NSD2: variants seen among roughly 807,000 people sequenced by gnomAD.
The protein encoded by NSD2 is nuclear receptor binding SET domain protein 2.
In NSD2, 12 loss-of-function variants were observed where a neutral mutation model predicts 139.0. The observed-to-expected ratio is 0.09, with a 90% CI of 0.06 to 0.14. The LOEUF is 0.14. Ranked by LOEUF, NSD2 falls within the 10% of genes least tolerant of loss-of-function variation. NSD2 has a pLI of 1.00. For missense variants in NSD2, 1,155 were observed against 1,745.0 expected, an observed-to-expected ratio of 0.66 and a Z score of 6.02; for synonymous variants, 669 against 648.7, an observed-to-expected ratio of 1.03 and a Z score of -0.48.
Position 1,955,658 on chromosome 4 carries a change from A to G in NSD2, c.2519-35A>G, listed in dbSNP as rs775830577. 6.3e-7 allele frequency: 1 copy of G among 1,585,504 alleles called. No homozygotes were observed. The highest frequency in any genetic ancestry group is 1.8e-5 in the Admixed American group (1 of 56,752). On this transcript the variant is annotated intron_variant, in intron 13 of 21. Transcript: ENST00000508803. The surrounding 1 kb of genome is among the most constrained non-coding windows in gnomAD (Gnocchi z 4.7). ...GAATCTGGGCTGAGCCATAGCAGAC[A>G]GGCTAAGCCTGGCCGCCTCGCCCTC...
At chr4:1,971,222 G>A (rs895234952) in intron 18 of NSD2, among the ~76,000 whole-genome samples, 1 of 152,150 alleles carries the variant, frequency 6.6e-6, no homozygotes, top group African/African-American at 2.4e-5. Flanking sequence ...CCAAAGGTAT[G>A]CCAAGGTGAA....
At chr4:1,896,833 C>T (rs1174012963) in intron 1 of NSD2, among the ~76,000 whole-genome samples, 1 of 136,986 alleles carries the variant, frequency 7.3e-6, no homozygotes, top group Non-Finnish European at 1.6e-5. Context: ...TTCCTTTCTT[C>T]TCTTCTCTTT....
intron 1 of NSD2, among the ~76,000 whole-genome samples, chr4:1,883,540 G>C (rs372604083): frequency 6.6e-6 from 1 of 151,436 alleles, no homozygotes; most frequent in Non-Finnish European, 1.5e-5. Flanking sequence ...GCTGAGGCAC[G>C]AGAATTGCTT....
chr4:1,898,026 C>T (rs919765002), intron 1 of NSD2, among the ~76,000 whole-genome samples: 2 of 151,908 alleles, frequency 1.3e-5, no homozygotes, highest in Admixed American at 6.6e-5. Flanking sequence ...TTTTTCCCTC[C>T]TCCTTCTGGG....
chr4:1,978,794 T>C lies in NSD2; in HGVS notation c.3983T>C (p.Leu1328Ser), dbSNP rs1727415444. 4 of 1,613,074 alleles carry C rather than the reference T, an allele frequency of 2.5e-6. No individual in the cohort carries two copies. In the African/African-American group the frequency reaches 4.0e-5, roughly 16 times the overall value. ...CGGTCCTACTGCTGTGAGCATGACT[T>C]AGGGGCGGCATCGGTCAGAAGCACC... The part of the protein sequence containing the change: ...DGRSYCCEHD[L>S]GAASVRSTKT... The change falls in exon 22 of 22, where the codon TTA becomes TCA. Residue 1328 changes from leucine to serine, a missense_variant. Physicochemically the swap from Leu to Ser is moderately radical, Grantham distance 145. Transcript: ENST00000508803.
In NSD2 at chr4:1,959,412, G is replaced by T. The variant is rs770794503; in HGVS notation, c.2986-59G>T. 1,503 of 1,579,242 alleles carry T rather than the reference G, an allele frequency of 9.5e-4. 1 individual carries two copies. The highest frequency in any genetic ancestry group is 1.2e-3 in the Non-Finnish European group (1,397 of 1,160,652). On this transcript the variant is annotated intron_variant, in intron 16 of 21. Transcript: ENST00000508803. ...GGTAAGGAGAGGCAGTGGTGGGTGT[G>T]CAAGGGTATTCGGAAGGCTCTCATG...
In NSD2 at chr4:1,916,151, AG is replaced by A. The variant is rs200573658; in HGVS notation, c.761-714del. On this transcript the variant is annotated intron_variant, in intron 3 of 21. Coordinates refer to ENST00000508803, the MANE Select transcript of NSD2 (RefSeq NM_001042424.3). ...TCCTGTCACTCTAGCACTGTGAGATAGGGGGGTAGCTAGCTGGTAGGTAGCA... is the reference window on the plus strand; with the variant it reads ...TCCTGTCACTCTAGCACTGTGAGATAGGGGGTAGCTAGCTGGTAGGTAGCA... Among the ~76,000 whole-genome samples the A allele has an allele frequency of 9.5e-3, 1,434 of 151,558 alleles. 9 individuals carry two copies. Among genetic ancestry groups the A allele is most frequent in the Middle Eastern group, 0.048 (14 of 294 alleles).
intron 4 of NSD2, among the ~76,000 whole-genome samples, chr4:1,917,745 AT>A (rs1454826514): frequency 5.9e-5 from 7 of 118,894 alleles, no homozygotes; most frequent in East Asian, 2.3e-4. Context: ...CAAGTTTTTT[AT>A]TTCTAAAATT....
At chr4:1,913,170 G>GTGTGAGCCCTC (rs1718901064) in intron 3 of NSD2, among the ~76,000 whole-genome samples, 1 of 152,236 alleles carries the variant, frequency 6.6e-6, no homozygotes, top group Admixed American at 6.5e-5. Flanking sequence ...CAGAAGACGA[G>GTGTGAGCCCTC]TGTGAGCCCT....
At chr4:1,945,796 T>C in intron 9 of NSD2, 3 of 1,064,524 alleles carry the variant, frequency 2.8e-6, no homozygotes, top group South Asian at 4.5e-5. Flanking sequence ...TGGAGGGCTG[T>C]AAAGCCACGG....
intron 5 of NSD2, 40 bp from the exon 6 acceptor site, chr4:1,930,586 C>G: frequency 6.4e-7 from 1 of 1,552,780 alleles, no homozygotes; most frequent in South Asian, 1.2e-5. Flanking sequence ...ATGAGTTTTA[C>G]GGATTTAACT....
intron 5 of NSD2, among the ~76,000 whole-genome samples, chr4:1,920,737 TAAAAA>T (rs1482860706): frequency 2.6e-5 from 4 of 150,950 alleles, no homozygotes; most frequent in African/African-American, 9.8e-5. Flanking sequence ...CTCTGTCTCA[TAAAAA>T]GAAAAGAAAG....
At chr4:1,881,271 G>T (rs1297176852) in intron 1 of NSD2, among the ~76,000 whole-genome samples, 1 of 151,978 alleles carries the variant, frequency 6.6e-6, no homozygotes, top group African/African-American at 2.4e-5. Flanking sequence ...TTTTGTTTCT[G>T]TTTTTTTGAG....
chr4:1,947,667 G>A (rs1723769956), intron 9 of NSD2: 1 of 1,055,322 alleles, frequency 9.5e-7, no homozygotes, highest in African/African-American at 1.7e-5. Flanking sequence ...TGAGCACAGG[G>A]CTGTTGTCAT....
At chr4:1,925,910 C>T (rs1720851914) in intron 5 of NSD2, among the ~76,000 whole-genome samples, 1 of 151,860 alleles carries the variant, frequency 6.6e-6, no homozygotes, top group Non-Finnish European at 1.5e-5. Context: ...TCAAGTGATT[C>T]TCCCACCTCA....
At chr4:1,876,934 G>A (rs1350541267) in intron 1 of NSD2, among the ~76,000 whole-genome samples, 2 of 151,880 alleles carry the variant, frequency 1.3e-5, no homozygotes, top group Non-Finnish European at 1.5e-5. Flanking sequence ...TCAGGAGTTC[G>A]AGACCAGCCT....
chr4:1,968,316 A>G (rs1467147447), intron 18 of NSD2, among the ~76,000 whole-genome samples: 1 of 152,228 alleles, frequency 6.6e-6, no homozygotes, highest in East Asian at 1.9e-4. Flanking sequence ...ATGATGGATG[A>G]TGATGACTGC....
rs1577504732 is a variant in NSD2 at position 1,942,681 on chromosome 4, G to A, written c.1881+2903G>A. On this transcript the variant is annotated intron_variant, in intron 9 of 21. Transcript: ENST00000508803. The surrounding 1 kb of genome is among the most constrained non-coding windows in gnomAD (Gnocchi z 4.0). ...TTGAAAGGCAGTCCCTTTAGTTGGG[G>A]GCTGTCCAGAGCTGCAGCAGGGCTT... is the stretch of plus-strand genomic sequence containing the variant. 5.2e-6 allele frequency: 6 copies of A among 1,153,744 alleles called. No individual in the cohort carries two copies. The East Asian group carries it at 2.5e-4, about 48-fold the overall frequency. The allele number at this position is 1,153,744 out of a possible 1,614,324, so 71.5% of individuals were successfully genotyped here.
rs959071643 is a variant in NSD2 at position 1,972,095 on chromosome 4, G to A, written c.3373-2768G>A. On this transcript the variant is annotated intron_variant, in intron 18 of 21. Coordinates refer to ENST00000508803, the MANE Select transcript of NSD2 (RefSeq NM_001042424.3). The surrounding 1 kb of genome is among the most constrained non-coding windows in gnomAD (Gnocchi z 4.0). ...AACAGTGTCTCTCGGAGAATGTGAC[G>A]GCTGTGTTTGGTGATGGCCTTATGT... is the stretch of plus-strand genomic sequence containing the variant. 5.3e-5 allele frequency among the ~76,000 whole-genome samples: 8 copies of A among 152,320 alleles called. No individual in the cohort carries two copies. Among genetic ancestry groups the A allele is most frequent in the Middle Eastern group, 3.4e-3 (1 of 294 alleles).
Sources: gnomAD v4.1 joint callset for allele counts (sites outside exome capture counted in the v4.1 genomes callset) on GRCh38, gnomAD v4.1.1 for gene constraint, Gnocchi (gnomAD v3.1) non-coding constraint, MANE v1.5 for transcripts, NCBI Gene and HGNC (gene_info 2026-07-23, HGNC 2026-07-21) for gene names.